Variants in RYR2 observed in about 807,000 individuals in gnomAD.
The protein encoded by RYR2 is ryanodine receptor 2, also known as cardiac muscle ryanodine receptor-calcium release channel.
RYR2 carries 227 observed loss-of-function variants against 601.1 expected under a neutral mutation model. The ratio of observed to expected loss-of-function variants is 0.38; its 90% CI spans 0.34 to 0.42. The LOEUF is 0.42. RYR2 is among the 10% of genes least tolerant of loss of function. RYR2 has a pLI of 1.00. For synonymous variants in RYR2, 2,223 were observed against 2,175.1 expected (o/e 1.02, Z -0.61); for missense variants, 4,646 against 6,156.5 (o/e 0.75, Z 8.21).
intron 15 of RYR2, among the ~76,000 whole-genome samples, chr1:237,454,962 T>C (rs971726566): frequency 2.2e-4 from 33 of 152,126 alleles, no homozygotes; most frequent in African/African-American, 8.0e-4. Flanking sequence ...CAGGTGCTCC[T>C]TGGAAATGGC....
rs866044512 is a variant in RYR2, at chr1:237,418,561, T to C, written c.848+1438T>C. Reference sequence around the variant, plus strand: ...ACTTCCAGTGTATTTTAAATAGTGATACTTTAAAATAAAATGGTTACATCA... The same window carrying C: ...ACTTCCAGTGTATTTTAAATAGTGACACTTTAAAATAAAATGGTTACATCA... On this transcript the variant is annotated intron_variant, in intron 11 of 104. Transcript: ENST00000366574. Among the ~76,000 whole-genome samples the C allele has an allele frequency of 9.2e-5, 14 of 152,316 alleles. 1 individual carries two copies. The highest frequency in any genetic ancestry group is 6.8e-3 in the Middle Eastern group (2 of 294).
chr1:237,713,145 T>A (rs889473149), intron 71 of RYR2, among the ~76,000 whole-genome samples: 1 of 152,192 alleles, frequency 6.6e-6, no homozygotes, highest in Non-Finnish European at 1.5e-5. Flanking sequence ...GCCAGAAGTC[T>A]GTGTATTCCT....
intron 2 of RYR2, among the ~76,000 whole-genome samples, chr1:237,325,471 G>C (rs1696063259): frequency 6.6e-6 from 1 of 152,094 alleles, no homozygotes; most frequent in South Asian, 2.1e-4. Context: ...GGCGGATCAT[G>C]AGGTCAGGAG....
chr1:237,436,448 A>AT (rs1478760547), intron 12 of RYR2, among the ~76,000 whole-genome samples: 1 of 42,988 alleles, frequency 2.3e-5, no homozygotes, highest in East Asian at 8.2e-4. Flanking sequence ...ATAATGTGTG[A>AT]TTTTCCTTTT....
intron 1 of RYR2, among the ~76,000 whole-genome samples, chr1:237,125,150 A>G (rs1342931182): frequency 1.3e-5 from 2 of 152,186 alleles, no homozygotes; most frequent in Non-Finnish European, 2.9e-5. Context: ...TTGAATAAAG[A>G]GCCGAGAAGT....
At chr1:237,397,873 C>T (rs1173104158) in intron 10 of RYR2, among the ~76,000 whole-genome samples, 1 of 152,072 alleles carries the variant, frequency 6.6e-6, no homozygotes. Flanking sequence ...AGGCACCCAC[C>T]ACCACATCTG....
In RYR2 at chr1:237,708,949, T is replaced by C. The variant is rs369150213; in HGVS notation, c.9993T>C (p.Ala3331=). The C allele has an allele frequency of 1.9e-6, 3 of 1,613,514 alleles. No homozygotes were observed. The African/African-American group carries it at 4.0e-5, about 22-fold the overall frequency. Residue 3331 remains alanine (A), a synonymous_variant, in exon 69 of 105, where the codon GCT becomes GCC. Coordinates refer to ENST00000366574, the MANE Select transcript of RYR2 (RefSeq NM_001035.3). ...PLMEKLKKKA[A]TVVSEEDHLK... is the part of the protein sequence containing the mutation. ...TGGAGAAACTCAAGAAAAAGGCAGC[T>C]ACGGTGGTGTCTGAGGAAGACCACC...
chr1:237,287,836 G>A (rs188860650), intron 2 of RYR2, among the ~76,000 whole-genome samples: 5 of 152,096 alleles, frequency 3.3e-5, no homozygotes, highest in African/African-American at 9.7e-5. Context: ...TTCTTGGTTT[G>A]GAGCCATTGG....
intron 1 of RYR2, among the ~76,000 whole-genome samples, chr1:237,132,196 A>G (rs1450975324): frequency 6.6e-5 from 10 of 152,346 alleles, no homozygotes; most frequent in East Asian, 5.8e-4. Context: ...ACTATTCACT[A>G]TGTAATGAGG....
At chr1:237,455,631 A>G (rs964554709) in intron 15 of RYR2, among the ~76,000 whole-genome samples, 5 of 152,230 alleles carry the variant, frequency 3.3e-5, no homozygotes, top group Admixed American at 2.6e-4. Context: ...GGTTATTACT[A>G]GGTTCTCATA....
intron 38 of RYR2, among the ~76,000 whole-genome samples, chr1:237,622,002 T>C (rs1443290403): frequency 6.6e-6 from 1 of 152,174 alleles, no homozygotes; most frequent in East Asian, 1.9e-4. Flanking sequence ...GAGATTGTAC[T>C]ACAGTTTTGC....
chr1:237,747,998 G>T lies in RYR2; in HGVS notation c.11145+5649G>T, dbSNP rs141687373. 1.9e-3 allele frequency among the ~76,000 whole-genome samples: 292 copies of T among 152,238 alleles called. 1 individual carries two copies. The highest frequency in any genetic ancestry group is 6.7e-3 in the African/African-American group (278 of 41,544). ...GTACTCACGCTGATTGCCGCAATCT[G>T]CCAACTACATTTTTATACAATAAAA... is the stretch of plus-strand genomic sequence containing the variant. On this transcript the variant is annotated intron_variant, in intron 80 of 104. Transcript: ENST00000366574.
At chr1:237,501,934 A>G (rs1664683670) in intron 21 of RYR2, among the ~76,000 whole-genome samples, 1 of 152,132 alleles carries the variant, frequency 6.6e-6, no homozygotes, top group African/African-American at 2.4e-5. Context: ...TAAGGTCAGG[A>G]GTTTGTGACC....
At chr1:237,633,476 T>C in intron 42 of RYR2, 102 bp from the exon 43 acceptor site, 1 of 1,404,168 alleles carries the variant, frequency 7.1e-7, no homozygotes. Flanking sequence ...GGCACACACA[T>C]GGACACACGG....
At chr1:237,380,359 AATAT>A (rs57204036) in intron 8 of RYR2, among the ~76,000 whole-genome samples, 48 of 29,192 alleles carry the variant, frequency 1.6e-3, no homozygotes, top group East Asian at 3.1e-3. Flanking sequence ...AGAATACACA[AATAT>A]ATATATATAT....
At chr1:237,638,211 A>C in intron 44 of RYR2, 146 bp from the exon 45 acceptor site, 1 of 888,440 alleles carries the variant, frequency 1.1e-6, no homozygotes. Context: ...AGGGAGTTCA[A>C]GTAGATTATC....
At chr1:237,625,120 A>G (rs1280477077) in intron 39 of RYR2, among the ~76,000 whole-genome samples, 1 of 151,630 alleles carries the variant, frequency 6.6e-6, no homozygotes, top group Non-Finnish European at 1.5e-5. Flanking sequence ...CTAGAATTCT[A>G]GTATCCCTAC....
intron 1 of RYR2, among the ~76,000 whole-genome samples, chr1:237,205,451 T>A (rs1431545050): frequency 6.6e-6 from 1 of 152,058 alleles, no homozygotes; most frequent in Non-Finnish European, 1.5e-5. Flanking sequence ...ATGGATGCCA[T>A]GGGGGATCCG....
At chr1:237,050,084 A>T (rs561880726) in intron 1 of RYR2, among the ~76,000 whole-genome samples, 1 of 152,134 alleles carries the variant, frequency 6.6e-6, no homozygotes, top group East Asian at 1.9e-4. Context: ...CGGAGTGTTC[A>T]GAGGACCTAC....
Sources: allele counts gnomAD v4.1 joint callset (sites outside exome capture counted in the v4.1 genomes callset), GRCh38; gene constraint gnomAD v4.1.1; transcripts MANE v1.5; gene names NCBI Gene and HGNC (gene_info 2026-07-23, HGNC 2026-07-21).